Variants in ADGRG5 observed in about 807,000 individuals in gnomAD.
The protein encoded by ADGRG5 is adhesion G protein-coupled receptor G5, also known as G protein-coupled receptor 114.
ADGRG5 carries 37 observed loss-of-function variants against 53.2 expected under a neutral mutation model. The ratio of observed to expected loss-of-function variants is 0.70; its 90% CI spans 0.53 to 0.91. ADGRG5 has a LOEUF of 0.91. Ranked by LOEUF, ADGRG5 falls within the 40% of genes least tolerant of loss-of-function variation. ADGRG5 has a pLI of 0.00. For missense variants in ADGRG5, 614 were observed against 675.8 expected (o/e 0.91, Z 1.01); for synonymous variants, 277 against 290.4 (o/e 0.95, Z 0.47).
intron 1 of ADGRG5, among the ~76,000 whole-genome samples, chr16:57,554,597 C>T (rs973510658): frequency 7.2e-5 from 11 of 152,106 alleles, no homozygotes; most frequent in African/African-American, 1.7e-4. Flanking sequence ...AGGATGGTCT[C>T]AATCTCCTGA....
intron 1 of ADGRG5, among the ~76,000 whole-genome samples, chr16:57,557,803 C>A (rs1339987946): frequency 1.3e-5 from 2 of 152,202 alleles, no homozygotes; most frequent in African/African-American, 4.8e-5. Context: ...TTTTTTATTT[C>A]TAACATTTCT....
chr16:57,573,304 G>T (rs138805601), intron 10 of ADGRG5, among the ~76,000 whole-genome samples: 34 of 152,010 alleles, frequency 2.2e-4, no homozygotes, highest in African/African-American at 8.2e-4. Flanking sequence ...CGTGGTGTCA[G>T]GATTCTGTAG....
intron 1 of ADGRG5, among the ~76,000 whole-genome samples, chr16:57,554,981 G>A (rs1038968789): frequency 1.3e-5 from 2 of 151,740 alleles, no homozygotes; most frequent in Non-Finnish European, 2.9e-5. Flanking sequence ...ATTTTTTGAG[G>A]CCTCTTTATG....
upstream of ADGRG5, among the ~76,000 whole-genome samples, chr16:57,539,264 T>G (rs1217817817): frequency 6.6e-6 from 1 of 152,116 alleles, no homozygotes; most frequent in African/African-American, 2.4e-5. Context: ...GATGAGGCAC[T>G]TAGAGTGGTC....
Position 57,562,370 on chromosome 16 carries a change from G to T in ADGRG5, c.65-14G>T. 6.3e-7 allele frequency: 1 copy of T among 1,597,744 alleles called. No individual in the cohort carries two copies. The highest frequency in any genetic ancestry group is 8.5e-7 in the Non-Finnish European group (1 of 1,170,194). ...AGTTGAGACACAAACTGAGGGGGAG[G>T]TGTGTCCCCACAGAGACATGGGAAG... On this transcript the variant is annotated splice_polypyrimidine_tract_variant and intron_variant, in intron 2 of 11. Coordinates refer to ENST00000349457, the MANE Select transcript of ADGRG5 (RefSeq NM_001304376.3).
At chr16:57,563,411 G>C (rs370799900) in intron 4 of ADGRG5, among the ~76,000 whole-genome samples, 164 bp downstream of exon 4, 1 of 152,250 alleles carries the variant, frequency 6.6e-6, no homozygotes, top group Non-Finnish European at 1.5e-5. Context: ...GTAAAATGGG[G>C]CTCATACTCG....
the ADGRG5 span, among the ~76,000 whole-genome samples, chr16:57,536,070 A>G: frequency 1.3e-5 from 2 of 149,708 alleles, no homozygotes. Flanking sequence ...ACCCCACCGC[A>G]TGGCCCCCAT....
At chr16:57,544,851 C>T (rs2032579710) in intron 1 of ADGRG5, among the ~76,000 whole-genome samples, 1 of 152,146 alleles carries the variant, frequency 6.6e-6, no homozygotes, top group South Asian at 2.1e-4. Context: ...TGCAGTGTCA[C>T]AATCACGGCT....
At chr16:57,563,531 A>G (rs532687962) in intron 4 of ADGRG5, among the ~76,000 whole-genome samples, 3 of 152,376 alleles carry the variant, frequency 2.0e-5, no homozygotes, top group African/African-American at 4.8e-5. Context: ...GAGAGGCCAG[A>G]AACCCTGGCT....
chr16:57,561,477 C>A (rs2032999191), intron 1 of ADGRG5, among the ~76,000 whole-genome samples: 1 of 152,122 alleles, frequency 6.6e-6, no homozygotes, highest in Admixed American at 6.6e-5. Context: ...TTTGTGCCTC[C>A]TTTCTTCCCC....
chr16:57,535,412 C>T, the ADGRG5 span, among the ~76,000 whole-genome samples: 1 of 152,150 alleles, frequency 6.6e-6, no homozygotes, highest in Non-Finnish European at 1.5e-5. Context: ...CCAACTGAGG[C>T]CCAGAGGGAC....
chr16:57,566,479 C>T (rs1047839583), intron 6 of ADGRG5, 120 bp from the exon 7 acceptor site: 2 of 883,870 alleles, frequency 2.3e-6, no homozygotes, highest in East Asian at 3.0e-5. Context: ...AAAGGCCAGC[C>T]AGTGCCTGGT....
At chr16:57,545,969 G>A (rs72791647) in intron 1 of ADGRG5, among the ~76,000 whole-genome samples, 11,676 of 152,118 alleles carry the variant, frequency 0.077, 580 homozygotes, top group East Asian at 0.19. Context: ...GGGATTACAG[G>A]CACGCTCCAC....
At chr16:57,547,504 G>A (rs1417953019) in intron 1 of ADGRG5, among the ~76,000 whole-genome samples, 2 of 152,234 alleles carry the variant, frequency 1.3e-5, no homozygotes, top group Middle Eastern at 3.2e-3. Context: ...GAGTGCAGTG[G>A]CGCGATCTCG....
intron 1 of ADGRG5, among the ~76,000 whole-genome samples, chr16:57,558,806 G>C (rs1305257982): frequency 1.3e-5 from 2 of 151,262 alleles, no homozygotes; most frequent in Admixed American, 6.6e-5. Context: ...GACACTAATG[G>C]GTTGCCTCTT....
intron 10 of ADGRG5, among the ~76,000 whole-genome samples, chr16:57,572,747 G>T (rs1225914729): frequency 6.6e-6 from 1 of 152,256 alleles, no homozygotes; most frequent in African/African-American, 2.4e-5. Flanking sequence ...TCCACTGACG[G>T]GATGCTGGAT....
intron 1 of ADGRG5, among the ~76,000 whole-genome samples, chr16:57,551,153 T>G (rs2032741129): frequency 6.6e-6 from 1 of 152,222 alleles, no homozygotes; most frequent in Middle Eastern, 3.2e-3. Flanking sequence ...ACTAGCAATC[T>G]ATCTGAGCCT....
intron 6 of ADGRG5, chr16:57,565,602 A>C: frequency 4.9e-6 from 1 of 205,580 alleles, no homozygotes; most frequent in East Asian, 1.1e-4. Flanking sequence ...CCCACCCACA[A>C]CCTGCCCCAG....
intron 1 of ADGRG5, chr16:57,543,166 T>A (rs1365061630): frequency 6.6e-6 from 1 of 152,142 alleles, no homozygotes; most frequent in African/African-American, 2.4e-5. Context: ...GGGGACAGCA[T>A]GTCTCAGGTA....
Sources: gnomAD v4.1 joint callset for allele counts (sites outside exome capture counted in the v4.1 genomes callset) on GRCh38, gnomAD v4.1.1 for gene constraint, MANE v1.5 for transcripts, NCBI Gene and HGNC (gene_info 2026-07-23, HGNC 2026-07-21) for gene names.